The following ARHGAP42 variants were observed in gnomAD, a reference collection of about 807,000 sequenced individuals.
ARHGAP42 encodes rho GTPase-activating protein 42.
ARHGAP42 carries 63 observed loss-of-function variants against 125.0 expected under a neutral mutation model. The observed-to-expected ratio is 0.50, with a 90% CI of 0.41 to 0.62. The LOEUF (loss-of-function observed/expected upper bound fraction) is 0.62. ARHGAP42 is among the 20% of genes least tolerant of loss of function. The pLI is 0.00. For missense variants in ARHGAP42, 766 were observed against 1,024.2 expected, an observed-to-expected ratio of 0.75 and a Z score of 3.44; for synonymous variants, 339 against 351.0, an observed-to-expected ratio of 0.97 and a Z score of 0.38.
intron 1 of ARHGAP42, among the ~76,000 whole-genome samples, chr11:100,765,278 C>T (rs959325858): frequency 1.3e-5 from 2 of 152,176 alleles, no homozygotes; most frequent in Non-Finnish European, 2.9e-5. Flanking sequence ...AGTCTTCTAA[C>T]AACTCTACCC....
At chr11:100,965,816 C>A in intron 17 of ARHGAP42, 40 bp downstream of exon 17, 1 of 1,474,652 alleles carries the variant, frequency 6.8e-7, no homozygotes, top group South Asian at 1.2e-5. Context: ...ACTTATTGTT[C>A]ATTGTTAAGT....
At chr11:100,904,129 C>T (rs934890235) in intron 4 of ARHGAP42, among the ~76,000 whole-genome samples, 3 of 152,072 alleles carry the variant, frequency 2.0e-5, no homozygotes, top group African/African-American at 7.2e-5. Context: ...AGTTGACTCT[C>T]AGTATTAACC....
intron 1 of ARHGAP42, among the ~76,000 whole-genome samples, chr11:100,742,230 C>A (rs879346319): frequency 1.3e-5 from 2 of 152,136 alleles, no homozygotes; most frequent in Admixed American, 6.5e-5. Flanking sequence ...TTTATACATA[C>A]CCTTGTGTTG....
chr11:100,718,931 T>C (rs1305966159), intron 1 of ARHGAP42, among the ~76,000 whole-genome samples: 1 of 152,250 alleles, frequency 6.6e-6, no homozygotes, highest in Non-Finnish European at 1.5e-5. Context: ...CTTTAAAGTA[T>C]TCTCTAATGA....
chr11:100,753,804 T>C (rs978429426), intron 1 of ARHGAP42, among the ~76,000 whole-genome samples: 1 of 152,190 alleles, frequency 6.6e-6, no homozygotes, highest in Non-Finnish European at 1.5e-5. Context: ...GCTTTCCCGG[T>C]GGTAATGTGT....
At chr11:100,711,337 G>T (rs1386974422) in intron 1 of ARHGAP42, among the ~76,000 whole-genome samples, 12 of 152,074 alleles carry the variant, frequency 7.9e-5, no homozygotes, top group Non-Finnish European at 1.8e-4. Context: ...ACTTGAATGT[G>T]TTTATATTGT....
At chr11:100,828,698 T>G (rs1380194613) in intron 3 of ARHGAP42, among the ~76,000 whole-genome samples, 1 of 151,766 alleles carries the variant, frequency 6.6e-6, no homozygotes, top group Non-Finnish European at 1.5e-5. Context: ...GTCTTTTTTT[T>G]TTTTTTGGAG....
chr11:100,704,882 G>A (rs1861453634), intron 1 of ARHGAP42, among the ~76,000 whole-genome samples: 1 of 151,172 alleles, frequency 6.6e-6, no homozygotes, highest in Admixed American at 6.6e-5. Context: ...GGAGGCTGAG[G>A]CAGGAGGATC....
In ARHGAP42 at chr11:100,904,375, T is replaced by C. The variant is rs185213676; in HGVS notation, c.385-9077T>C. 5.9e-5 allele frequency among the ~76,000 whole-genome samples: 9 copies of C among 152,150 alleles called. No homozygotes were observed. The East Asian group carries it at 9.7e-4, about 16-fold the overall frequency. ...GATTCTCCTGTCTCAGCATCCCAAG[T>C]AGCTGGGATTACAGGCGCATGCTAC... is the stretch of plus-strand genomic sequence containing the variant. On this transcript the variant is annotated intron_variant, in intron 4 of 23. Transcript: ENST00000298815.
chr11:100,715,118 C>A (rs1186120750), intron 1 of ARHGAP42, among the ~76,000 whole-genome samples: 4 of 148,864 alleles, frequency 2.7e-5, no homozygotes, highest in African/African-American at 7.4e-5. Context: ...ATTAATTATA[C>A]CCTTGTGTAG....
At chr11:100,799,690 A>G (rs1863806579) in intron 3 of ARHGAP42, among the ~76,000 whole-genome samples, 1 of 152,206 alleles carries the variant, frequency 6.6e-6, no homozygotes, top group Non-Finnish European at 1.5e-5. Flanking sequence ...GGAAAGCAAT[A>G]AACTAAGTAC....
At chr11:100,954,590 T>C (rs1485386201) in intron 12 of ARHGAP42, among the ~76,000 whole-genome samples, 2 of 152,154 alleles carry the variant, frequency 1.3e-5, no homozygotes, top group East Asian at 3.9e-4. Flanking sequence ...GAGCTTCATA[T>C]TGTGGTTTAG....
chr11:100,938,092 C>G (rs935859407), intron 8 of ARHGAP42, among the ~76,000 whole-genome samples: 40 of 151,542 alleles, frequency 2.6e-4, no homozygotes, highest in African/African-American at 8.7e-4. Context: ...GCACCCCTCA[C>G]TCTCCTAGGC....
chr11:100,718,280 T>C (rs113449430), intron 1 of ARHGAP42, among the ~76,000 whole-genome samples: 4,046 of 152,286 alleles, frequency 0.027, 69 homozygotes, highest in Non-Finnish European at 0.031. Flanking sequence ...CCAGCCCCAT[T>C]GTGAATAGCT....
At chr11:100,874,809 A>G (rs1865772973) in intron 4 of ARHGAP42, among the ~76,000 whole-genome samples, 1 of 152,096 alleles carries the variant, frequency 6.6e-6, no homozygotes, top group South Asian at 2.1e-4. Context: ...CCATCTGTGA[A>G]TTCCACTGTT....
intron 3 of ARHGAP42, among the ~76,000 whole-genome samples, chr11:100,808,701 G>C (rs866306549): frequency 2.6e-5 from 4 of 152,076 alleles, no homozygotes; most frequent in African/African-American, 9.7e-5. Context: ...CACCGCGCCC[G>C]GCCAAATTCA....
Position 100,992,245 on chromosome 11 carries a change from C to A in ARHGAP42, c.*3444C>A. 2 of 1,519,604 alleles carry A rather than the reference C, an allele frequency of 1.3e-6. No homozygotes were observed. The highest frequency in any genetic ancestry group is 4.5e-5 in the Admixed American group (2 of 44,582). 94.1% of individuals were successfully genotyped at this position (1,519,604 alleles called of 1,614,324 possible). On this transcript the variant is annotated 3_prime_UTR_variant, in exon 24 of 24. Coordinates refer to ENST00000298815, the MANE Select transcript of ARHGAP42 (RefSeq NM_152432.4). ...TACTTTGACTAAAGTCAGAGGCAGACCAATTTAGGGAACAGATTTTGTTCT... is the reference window on the plus strand; with the variant it reads ...TACTTTGACTAAAGTCAGAGGCAGAACAATTTAGGGAACAGATTTTGTTCT...
chr11:100,734,824 C>A (rs918281513), intron 1 of ARHGAP42, among the ~76,000 whole-genome samples: 4 of 152,160 alleles, frequency 2.6e-5, no homozygotes, highest in Non-Finnish European at 5.9e-5. Context: ...GTTTTTTAAT[C>A]TTTTCAGGTT....
At chr11:100,849,801 T>G (rs1032511862) in intron 3 of ARHGAP42, among the ~76,000 whole-genome samples, 3 of 152,210 alleles carry the variant, frequency 2.0e-5, no homozygotes, top group African/African-American at 7.2e-5. Flanking sequence ...CTGTACAAGT[T>G]CCAATTACCA....
Sources: gnomAD v4.1 joint callset for allele counts (sites outside exome capture counted in the v4.1 genomes callset) on GRCh38, gnomAD v4.1.1 for gene constraint, MANE v1.5 for transcripts, NCBI Gene and HGNC (gene_info 2026-07-23, HGNC 2026-07-21) for gene names.